The following SLC39A11 variants were observed in gnomAD, a reference collection of about 807,000 sequenced individuals.
The protein encoded by SLC39A11 is solute carrier family 39 member 11.
Under a neutral mutation model 36.1 loss-of-function variants are expected in SLC39A11, and 33 were observed. The observed-to-expected ratio is 0.91, with a 90% CI of 0.69 to 1.22. The LOEUF (loss-of-function observed/expected upper bound fraction) is 1.22, where lower values mean the gene tolerates loss of function less well. Ranked by LOEUF, SLC39A11 falls within the 50% of genes most tolerant of loss-of-function variation. The pLI is 0.00. For missense variants in SLC39A11, 432 were observed against 430.3 expected (o/e 1.00, Z -0.03); for synonymous variants, 166 against 170.3 (o/e 0.97, Z 0.20).
chr17:72,949,970 C>G (rs2085743133), intron 4 of SLC39A11, among the ~76,000 whole-genome samples: 1 of 148,294 alleles, frequency 6.7e-6, no homozygotes, highest in African/African-American at 2.5e-5. Flanking sequence ...CACACACACA[C>G]ACACACACAC....
At chr17:72,960,807 C>G (rs962833517) in intron 4 of SLC39A11, among the ~76,000 whole-genome samples, 1 of 151,318 alleles carries the variant, frequency 6.6e-6, no homozygotes, top group Non-Finnish European at 1.5e-5. Context: ...GAGACCTTGT[C>G]TCAAAAAACA....
chr17:72,658,737 C>T lies in SLC39A11; in HGVS notation c.672-9469G>A, dbSNP rs570427686. Among the ~76,000 whole-genome samples the T allele has an allele frequency of 1.3e-4, 20 of 152,220 alleles. 1 individual carries two copies. The South Asian group carries it at 4.0e-3, about 30-fold the overall frequency. ...TGGGACCCCAGGTGCACAGGTGGGA[C>T]CCAGTGCAAGCTACAGATCACTCAG... On this transcript the variant is annotated intron_variant, in intron 7 of 9. Coordinates refer to ENST00000255559, the MANE Select transcript of SLC39A11 (RefSeq NM_139177.4).
chr17:73,081,370 T>G lies in SLC39A11; in HGVS notation c.147+3438A>C, dbSNP rs551443331. ...AAAGGGAACACTTTTACACTGCCAG[T>G]GGGAATGTAAACTAACACAACCACT... is the stretch of plus-strand genomic sequence containing the variant. On this transcript the variant is annotated intron_variant, in intron 3 of 9. Transcript: ENST00000255559. Among the ~76,000 whole-genome samples, 5 of 152,220 alleles carry G rather than the reference T, an allele frequency of 3.3e-5. No homozygotes were observed. The East Asian group carries it at 9.6e-4, about 29-fold the overall frequency.
At chr17:72,961,176 T>C (rs763184517) in intron 4 of SLC39A11, among the ~76,000 whole-genome samples, 14 of 152,142 alleles carry the variant, frequency 9.2e-5, no homozygotes, top group Non-Finnish European at 1.6e-4. Context: ...TGGATAAGGC[T>C]GGAAAGAAAT....
intron 6 of SLC39A11, among the ~76,000 whole-genome samples, chr17:72,838,664 G>T (rs912940229): frequency 3.9e-5 from 6 of 152,296 alleles, no homozygotes; most frequent in Non-Finnish European, 7.3e-5. Flanking sequence ...GTGAGCGTGG[G>T]GATGAGAAAA....
chr17:72,884,544 G>C (rs971357627), intron 5 of SLC39A11, among the ~76,000 whole-genome samples: 1 of 152,114 alleles, frequency 6.6e-6, no homozygotes, highest in Non-Finnish European at 1.5e-5. Flanking sequence ...ATTTACCTGC[G>C]CTGTGTCTCG....
chr17:73,000,782 A>G (rs1379440342), intron 4 of SLC39A11, among the ~76,000 whole-genome samples: 3 of 152,184 alleles, frequency 2.0e-5, no homozygotes, highest in Admixed American at 6.5e-5. Context: ...ATACCTTCCT[A>G]TAGCTCCAAG....
rs909028124 is a variant in SLC39A11, at chr17:72,711,352, G to T, written c.671+25298C>A. On this transcript the variant is annotated intron_variant, in intron 7 of 9. Transcript: ENST00000255559. The stretch of plus-strand genomic sequence containing the variant: ...GCAACTTCCGGACAGGTCCTTAAAG[G>T]GGGGAAGTGTATTTCTTCTTTACTC... 3.9e-5 allele frequency among the ~76,000 whole-genome samples: 6 copies of T among 152,250 alleles called. No homozygotes were observed. The East Asian group carries it at 1.2e-3, about 29-fold the overall frequency.
chr17:72,719,787 C>A (rs1460310485), intron 7 of SLC39A11, among the ~76,000 whole-genome samples: 1 of 152,176 alleles, frequency 6.6e-6, no homozygotes, highest in Admixed American at 6.5e-5. Context: ...GATGTCCAAT[C>A]CCTGTCGCCA....
At chr17:72,933,419 A>G (rs1474561482) in intron 5 of SLC39A11, among the ~76,000 whole-genome samples, 1 of 152,200 alleles carries the variant, frequency 6.6e-6, no homozygotes, top group Non-Finnish European at 1.5e-5. Context: ...AAGACTTTGG[A>G]GAATATACCA....
chr17:72,748,566 C>T (rs1295118360), intron 6 of SLC39A11, among the ~76,000 whole-genome samples: 1 of 152,182 alleles, frequency 6.6e-6, no homozygotes, highest in Non-Finnish European at 1.5e-5. Flanking sequence ...CTGACTCCAG[C>T]AGACTGCGAA....
At chr17:72,685,340 C>T (rs2071695701) in intron 7 of SLC39A11, among the ~76,000 whole-genome samples, 1 of 152,266 alleles carries the variant, frequency 6.6e-6, no homozygotes, top group South Asian at 2.1e-4. Context: ...GGTGCAACTG[C>T]AACTGAAATT....
chr17:72,941,205 T>G (rs1431113405), intron 5 of SLC39A11, among the ~76,000 whole-genome samples: 1 of 152,176 alleles, frequency 6.6e-6, no homozygotes, highest in African/African-American at 2.4e-5. Flanking sequence ...CCCAGGAGGT[T>G]GAGGCTACAG....
At chr17:73,055,426 A>G (rs967425050) in intron 3 of SLC39A11, among the ~76,000 whole-genome samples, 1 of 151,642 alleles carries the variant, frequency 6.6e-6, no homozygotes, top group Non-Finnish European at 1.5e-5. Context: ...GCTTAGGAGT[A>G]CACTTTTTTT....
intron 7 of SLC39A11, among the ~76,000 whole-genome samples, chr17:72,705,237 G>C (rs1363875080): frequency 6.6e-6 from 1 of 152,152 alleles, no homozygotes; most frequent in Non-Finnish European, 1.5e-5. Context: ...ACACTATAAT[G>C]ATACTTTTAT....
intron 4 of SLC39A11, among the ~76,000 whole-genome samples, chr17:72,982,509 G>A (rs1481079191): frequency 6.6e-6 from 1 of 152,096 alleles, no homozygotes; most frequent in African/African-American, 2.4e-5. Context: ...TAAATCAGAG[G>A]CCTCTTTCGT....
chr17:72,734,034 G>C (rs1276799006), intron 7 of SLC39A11, among the ~76,000 whole-genome samples: 1 of 152,154 alleles, frequency 6.6e-6, no homozygotes, highest in Non-Finnish European at 1.5e-5. Flanking sequence ...AGGGTGGTAG[G>C]CTCTGCCTGT....
chr17:73,052,227 G>A (rs1462310051), intron 3 of SLC39A11, among the ~76,000 whole-genome samples: 1 of 151,738 alleles, frequency 6.6e-6, no homozygotes, highest in Non-Finnish European at 1.5e-5. Flanking sequence ...GAATCCAGGG[G>A]GACAACATTT....
chr17:72,952,782 G>A (rs1267293393), intron 4 of SLC39A11, among the ~76,000 whole-genome samples: 2 of 152,122 alleles, frequency 1.3e-5, no homozygotes, highest in Non-Finnish European at 2.9e-5. Context: ...CCTTCTTAGG[G>A]CAAACACGTG....
Sources: gnomAD v4.1 joint callset for allele counts (sites outside exome capture counted in the v4.1 genomes callset) on GRCh38, gnomAD v4.1.1 for gene constraint, MANE v1.5 for transcripts, NCBI Gene and HGNC (gene_info 2026-07-23, HGNC 2026-07-21) for gene names.